Variants in PRKCE observed in about 807,000 individuals in gnomAD.
PRKCE encodes the protein protein kinase C epsilon.
A neutral mutation model predicts 85.4 loss-of-function variants in PRKCE; 16 were observed. The ratio of observed to expected loss-of-function variants is 0.19; its 90% CI spans 0.13 to 0.28. PRKCE has a LOEUF of 0.28. PRKCE is among the 10% of genes least tolerant of loss of function. The pLI, the probability that PRKCE is intolerant of heterozygous loss-of-function variation, is 1.00. For synonymous variants in PRKCE, 388 were observed against 371.5 expected (o/e 1.04, Z -0.51); for missense variants, 573 against 975.2 (o/e 0.59, Z 5.49).
In PRKCE at chr2:46,044,281, T is replaced by C. The variant is rs575020578; in HGVS notation, c.1437+33764T>C. Among the ~76,000 whole-genome samples, 23 of 152,282 alleles carry C rather than the reference T, an allele frequency of 1.5e-4. No homozygotes were observed. The South Asian group carries it at 3.9e-3, about 26-fold the overall frequency. ...TTACATTCTTATTTAGTAAGGAAGATCTAGCTATGTGAAATAATTAAAGAG... is the reference window on the plus strand; with the variant it reads ...TTACATTCTTATTTAGTAAGGAAGACCTAGCTATGTGAAATAATTAAAGAG... On this transcript the variant is annotated intron_variant, in intron 10 of 14. Transcript: ENST00000306156.
rs1171316800 is a variant in PRKCE, at chr2:46,085,760, T to TG, written c.1438-448_1438-447insG. Among the ~76,000 whole-genome samples the TG allele has an allele frequency of 2.6e-4, 21 of 80,692 alleles. 1 individual carries two copies. Among genetic ancestry groups the TG allele is most frequent in the African/African-American group, 8.3e-4 (19 of 22,862 alleles). 52.9% of individuals were successfully genotyped at this position (80,692 alleles called of 152,430 possible). On this transcript the variant is annotated intron_variant, in intron 10 of 14. Transcript: ENST00000306156. ...CGTTTTTTTTTTTTGTTTTTGTTTT[T>TG]TTTTTTTTTTTTAGCCATATAAGGT...
chr2:46,010,062 G>A (rs553936099), intron 9 of PRKCE, among the ~76,000 whole-genome samples: 96 of 152,262 alleles, frequency 6.3e-4, no homozygotes, highest in African/African-American at 2.2e-3. Flanking sequence ...ACTGTAGAAC[G>A]GTAGTAATTG....
intron 1 of PRKCE, among the ~76,000 whole-genome samples, chr2:45,737,299 A>G (rs1313487428): frequency 6.6e-6 from 1 of 152,200 alleles, no homozygotes; most frequent in Admixed American, 6.5e-5. Flanking sequence ...TCTTCTGGAT[A>G]AATCAGGAAC....
chr2:45,994,430 T>G (rs956246826), intron 6 of PRKCE, among the ~76,000 whole-genome samples: 1 of 152,208 alleles, frequency 6.6e-6, no homozygotes, highest in African/African-American at 2.4e-5. Flanking sequence ...AAATCCTCTG[T>G]GTTCTGCTTC....
rs765640126 is a variant in PRKCE, at chr2:45,697,449, C to A, written c.348+45001C>A. ...TTTATTTAGCCAGGACAGATAAGGACTAACAAACAAAACCAAACCAGAGTG... is the reference window on the plus strand; with the variant it reads ...TTTATTTAGCCAGGACAGATAAGGAATAACAAACAAAACCAAACCAGAGTG... On this transcript the variant is annotated intron_variant, in intron 1 of 14. Transcript: ENST00000306156. The surrounding 1 kb of genome is among the most constrained non-coding windows in gnomAD (Gnocchi z 4.2). Among the ~76,000 whole-genome samples the A allele has an allele frequency of 1.3e-5, 2 of 152,104 alleles. No homozygotes were observed. The highest frequency in any genetic ancestry group is 2.4e-5 in the African/African-American group (1 of 41,392).
At chr2:45,859,018 G>A (rs1269323731) in intron 2 of PRKCE, among the ~76,000 whole-genome samples, 3 of 150,770 alleles carry the variant, frequency 2.0e-5, no homozygotes, top group Admixed American at 6.6e-5. Context: ...TCCAGCCTGG[G>A]CAACAGAGCA....
intron 11 of PRKCE, among the ~76,000 whole-genome samples, chr2:46,129,404 C>G (rs986388769): frequency 6.6e-6 from 1 of 152,096 alleles, no homozygotes; most frequent in Non-Finnish European, 1.5e-5. Flanking sequence ...GTTCACAGCA[C>G]TTTTACTCCT....
At chr2:45,991,230 C>T (rs999083583) in intron 6 of PRKCE, among the ~76,000 whole-genome samples, 3 of 152,088 alleles carry the variant, frequency 2.0e-5, no homozygotes, top group East Asian at 3.9e-4. Context: ...TGGTCTTTAG[C>T]TCCCAACCTC....
intron 2 of PRKCE, among the ~76,000 whole-genome samples, chr2:45,861,734 C>T (rs760022379): frequency 3.9e-5 from 6 of 152,204 alleles, no homozygotes; most frequent in Admixed American, 6.5e-5. Context: ...ACTGATGAAC[C>T]TGCCTAGGTA....
chr2:45,949,562 C>G (rs1167403245), intron 2 of PRKCE, among the ~76,000 whole-genome samples: 3 of 151,374 alleles, frequency 2.0e-5, no homozygotes, highest in African/African-American at 7.3e-5. Context: ...AGAAGTCTTA[C>G]ATTTTAATGA....
intron 6 of PRKCE, among the ~76,000 whole-genome samples, chr2:45,992,611 C>T (rs1558931661): frequency 2.0e-5 from 3 of 152,200 alleles, no homozygotes; most frequent in South Asian, 2.1e-4. Flanking sequence ...CCCTGGCTCA[C>T]CCTCAAGGGC....
chr2:45,720,175 C>T (rs183584513), intron 1 of PRKCE, among the ~76,000 whole-genome samples: 5 of 152,090 alleles, frequency 3.3e-5, no homozygotes, highest in African/African-American at 1.2e-4. Flanking sequence ...GGAACTGTAG[C>T]AAGGTGCAGT....
chr2:45,992,339 C>G (rs1558931195), intron 6 of PRKCE, among the ~76,000 whole-genome samples: 1 of 152,096 alleles, frequency 6.6e-6, no homozygotes, highest in African/African-American at 2.4e-5. Context: ...GATCGTGGTC[C>G]CCGGAAAGCT....
At position 45,907,212 on chromosome 2, in the gene PRKCE, A is replaced by G. The variant is rs1697046073; in HGVS notation, c.412+64149A>G. On this transcript the variant is annotated intron_variant, in intron 2 of 14. Transcript: ENST00000306156. This position sits in a 1 kb window ranked among gnomAD's most constrained non-coding sequence, Gnocchi z 4.5. ...CGAGAGAAGAGAAAAATGAAGCTTT[A>G]ACTATCACAGAGCATCTGACTGAGA... is the stretch of plus-strand genomic sequence containing the variant. Among the ~76,000 whole-genome samples, 1 of 152,230 alleles carries G rather than the reference A, an allele frequency of 6.6e-6. No individual in the cohort carries two copies. The highest frequency in any genetic ancestry group is 2.4e-5 in the African/African-American group (1 of 41,460).
At chr2:46,040,510 A>G (rs1362113882) in intron 10 of PRKCE, among the ~76,000 whole-genome samples, 1 of 152,130 alleles carries the variant, frequency 6.6e-6, no homozygotes, top group African/African-American at 2.4e-5. Context: ...TTGAATCTTC[A>G]TGGTGGGGCC....
chr2:46,014,436 G>A (rs1311044926), intron 10 of PRKCE, among the ~76,000 whole-genome samples: 2 of 151,942 alleles, frequency 1.3e-5, no homozygotes, highest in Non-Finnish European at 2.9e-5. Flanking sequence ...TATCAAAATT[G>A]GCATAGTCAC....
At position 46,176,939 on chromosome 2, in the gene PRKCE, A is replaced by G. The variant is rs541270058; in HGVS notation, c.2068-7796A>G. The stretch of plus-strand genomic sequence containing the variant: ...TAAAATGGCATTTGCATTGTATTTT[A>G]GGGTTTATCTGAGCTTTACCTATAA... On this transcript the variant is annotated intron_variant, in intron 14 of 14. Coordinates refer to ENST00000306156, the MANE Select transcript of PRKCE (RefSeq NM_005400.3). Among the ~76,000 whole-genome samples the G allele has an allele frequency of 1.9e-4, 29 of 152,376 alleles. 1 individual carries two copies. In the South Asian group the frequency reaches 5.6e-3, roughly 29 times the overall value.
At chr2:45,917,703 G>A (rs935126295) in intron 2 of PRKCE, among the ~76,000 whole-genome samples, 1 of 152,236 alleles carries the variant, frequency 6.6e-6, no homozygotes, top group Non-Finnish European at 1.5e-5. Flanking sequence ...CGATGGGACT[G>A]GGCGCCGTGG....
At chr2:46,153,743 CTCTTCCTCT>C (rs1360093837) in intron 13 of PRKCE, among the ~76,000 whole-genome samples, 2 of 151,252 alleles carry the variant, frequency 1.3e-5, no homozygotes, top group Non-Finnish European at 2.9e-5. Flanking sequence ...CTTCGTCCTC[CTCTTCCTCT>C]TCTTCCTCCT....
Sources: gnomAD v4.1 joint callset for allele counts (sites outside exome capture counted in the v4.1 genomes callset) on GRCh38, gnomAD v4.1.1 for gene constraint, Gnocchi (gnomAD v3.1) non-coding constraint, MANE v1.5 for transcripts, NCBI Gene and HGNC (gene_info 2026-07-23, HGNC 2026-07-21) for gene names.